Variants in FGF14 observed in about 807,000 individuals in gnomAD.
FGF14 encodes fibroblast growth factor 14.
Under a neutral mutation model 25.5 loss-of-function variants are expected in FGF14, and 5 were observed. That is an observed-to-expected ratio of 0.20 (90% CI 0.10 to 0.41). FGF14 has a LOEUF of 0.41. FGF14 is among the 10% of genes least tolerant of loss of function. FGF14 has a pLI of 1.00. For missense variants in FGF14, 222 were observed against 320.1 expected, an observed-to-expected ratio of 0.69 and a Z score of 2.34; for synonymous variants, 138 against 118.3, an observed-to-expected ratio of 1.17 and a Z score of -1.08.
chr13:102,280,435 A>G (rs1250616666), intron 1 of FGF14, among the ~76,000 whole-genome samples: 1 of 152,194 alleles, frequency 6.6e-6, no homozygotes, highest in East Asian at 1.9e-4. Flanking sequence ...TGAGATGCTC[A>G]TAGAATCTGG....
intron 1 of FGF14, among the ~76,000 whole-genome samples, chr13:102,021,118 C>T (rs79809851): frequency 0.011 from 1,722 of 151,614 alleles, 61 homozygotes; most frequent in Admixed American, 0.069. Flanking sequence ...GAGATAAGGG[C>T]GCCAAAGAAC....
At chr13:102,283,593 C>T (rs1369976564) in intron 1 of FGF14, among the ~76,000 whole-genome samples, 1 of 152,140 alleles carries the variant, frequency 6.6e-6, no homozygotes, top group Non-Finnish European at 1.5e-5. Context: ...TAAATTCCAA[C>T]CATTCTTAGA....
upstream of FGF14, among the ~76,000 whole-genome samples, chr13:101,917,600 G>A (rs1441272039): frequency 6.6e-6 from 1 of 151,870 alleles, no homozygotes; most frequent in Non-Finnish European, 1.5e-5. Flanking sequence ...CGCCCTCCCT[G>A]CTAATCCCTC....
intron 1 of FGF14, among the ~76,000 whole-genome samples, chr13:102,018,090 T>G (rs1405624356): frequency 1.3e-5 from 2 of 152,186 alleles, no homozygotes; most frequent in Admixed American, 1.3e-4. Flanking sequence ...TCTCTTCTTC[T>G]GTTTTCTTAA....
intron 1 of FGF14, among the ~76,000 whole-genome samples, chr13:102,170,117 C>G (rs1474413540): frequency 1.3e-5 from 2 of 152,046 alleles, no homozygotes; most frequent in Non-Finnish European, 2.9e-5. Context: ...CCTGGCTTTC[C>G]ATCCCTTCTT....
chr13:102,398,752 C>T (rs186329133), intron 1 of FGF14, among the ~76,000 whole-genome samples: 1 of 151,878 alleles, frequency 6.6e-6, no homozygotes, highest in Admixed American at 6.6e-5. Context: ...GAGAATGGAA[C>T]TCACGAAGTA....
At chr13:101,998,598 A>G (rs1458531135) in intron 1 of FGF14, among the ~76,000 whole-genome samples, 1 of 151,914 alleles carries the variant, frequency 6.6e-6, no homozygotes, top group Non-Finnish European at 1.5e-5. Context: ...ATTCTGAAGT[A>G]TTTCTGAAAT....
chr13:101,942,231 G>A (rs2035498787), intron 1 of FGF14, among the ~76,000 whole-genome samples: 1 of 152,178 alleles, frequency 6.6e-6, no homozygotes, highest in Non-Finnish European at 1.5e-5. Flanking sequence ...TTTGCCAGCA[G>A]TGGACACTGT....
intron 1 of FGF14, among the ~76,000 whole-genome samples, chr13:102,097,630 G>C (rs2044463878): frequency 6.6e-6 from 1 of 152,152 alleles, no homozygotes; most frequent in African/African-American, 2.4e-5. Context: ...TTGGAGCTGA[G>C]GGCCAAACTG....
At chr13:102,129,709 G>A (rs1400505464) in intron 1 of FGF14, among the ~76,000 whole-genome samples, 1 of 151,942 alleles carries the variant, frequency 6.6e-6, no homozygotes, top group Non-Finnish European at 1.5e-5. Flanking sequence ...AGGGGGGAGG[G>A]ATAGCATTAG....
chr13:102,401,101 G>A (rs2058694080), intron 1 of FGF14, among the ~76,000 whole-genome samples: 1 of 152,100 alleles, frequency 6.6e-6, no homozygotes, highest in Non-Finnish European at 1.5e-5. Context: ...AGAAGTAAGG[G>A]GAGCTCGCGG....
At chr13:101,723,253 G>T in intron 4 of FGF14, 1 of 435,076 alleles carries the variant, frequency 2.3e-6, no homozygotes, top group South Asian at 2.1e-5. Context: ...GCCTCTTTGT[G>T]GGTCCATGAT....
chr13:102,159,117 G>A, intron 1 of FGF14, among the ~76,000 whole-genome samples: 1 of 136,778 alleles, frequency 7.3e-6, no homozygotes, highest in Non-Finnish European at 1.5e-5. Flanking sequence ...TCCAGCATGG[G>A]TAAGAGAGCC....
chr13:102,164,802 G>C (rs1409564712), intron 1 of FGF14, among the ~76,000 whole-genome samples: 5 of 152,156 alleles, frequency 3.3e-5, no homozygotes, highest in African/African-American at 1.2e-4. Context: ...AGTTCTATTG[G>C]ACAGTGCTGG....
rs761319408 is a variant in FGF14, at chr13:101,715,618, T to G, written c.*7213A>C. On this transcript the variant is annotated 3_prime_UTR_variant, in exon 5 of 5. Coordinates refer to ENST00000376143, the MANE Select transcript of FGF14 (RefSeq NM_004115.4). ...AATGCTGGGATGGATGGAATGGAAATGCATGTGAAATCTGGCTTGGCTCAG... is the reference window on the plus strand; with the variant it reads ...AATGCTGGGATGGATGGAATGGAAAGGCATGTGAAATCTGGCTTGGCTCAG... 1.2e-6 allele frequency: 2 copies of G among 1,613,400 alleles called. No individual in the cohort carries two copies. The highest frequency in any genetic ancestry group is 1.7e-6 in the Non-Finnish European group (2 of 1,179,476).
At position 101,714,608 on chromosome 13, in the gene FGF14, G is replaced by A; in HGVS notation, c.*8223C>T. ...GCCACAGTTTGTTATAGAGCCAAGA[G>A]ACACTCGTCATGCAATGCTTTAGGT... On this transcript the variant is annotated 3_prime_UTR_variant, in exon 5 of 5. Coordinates refer to ENST00000376143, the MANE Select transcript of FGF14 (RefSeq NM_004115.4). The A allele has an allele frequency of 1.9e-6, 2 of 1,033,722 alleles. No homozygotes were observed. Among genetic ancestry groups the A allele is most frequent in the Non-Finnish European group, 3.1e-6 (2 of 651,530 alleles). The allele number at this position is 1,033,722 out of a possible 1,614,324, so 64.0% of individuals were successfully genotyped here.
chr13:101,821,854 T>A (rs1388716215), intron 3 of FGF14, among the ~76,000 whole-genome samples: 1 of 152,228 alleles, frequency 6.6e-6, no homozygotes, highest in Admixed American at 6.5e-5. Flanking sequence ...TCAATTTATT[T>A]GCCCATTTTT....
At chr13:102,127,324 C>A (rs1281490702) in intron 1 of FGF14, among the ~76,000 whole-genome samples, 1 of 152,128 alleles carries the variant, frequency 6.6e-6, no homozygotes, top group Non-Finnish European at 1.5e-5. Flanking sequence ...CTTAACTTCA[C>A]AATAAATCTA....
chr13:101,788,654 G>A (rs1395265851), intron 3 of FGF14, among the ~76,000 whole-genome samples: 3 of 151,684 alleles, frequency 2.0e-5, no homozygotes, highest in Non-Finnish European at 4.4e-5. Context: ...CAAGGGGGAG[G>A]AGAGACAGGC....
Sources: gnomAD v4.1 joint callset for allele counts (sites outside exome capture counted in the v4.1 genomes callset) on GRCh38, gnomAD v4.1.1 for gene constraint, MANE v1.5 for transcripts, NCBI Gene and HGNC (gene_info 2026-07-23, HGNC 2026-07-21) for gene names.